The following NHS variants were observed in gnomAD, a reference collection of about 807,000 sequenced individuals.
NHS encodes actin remodeling regulator NHS.
In NHS, 5 loss-of-function variants were observed where a neutral mutation model predicts 72.5. The observed-to-expected ratio is 0.07, with a 90% CI of 0.04 to 0.14. The LOEUF is 0.14. Among genes scored for constraint, NHS ranks in the 10% least tolerant of loss-of-function variants. The probability of loss-of-function intolerance (pLI) is 1.00; values close to 1 mark genes in which losing one functional copy is unlikely to be tolerated. For synonymous variants in NHS, 464 were observed against 547.7 expected (o/e 0.85, Z 2.13); for missense variants, 1,072 against 1,355.7 (o/e 0.79, Z 3.29).
intron 1 of NHS, among the ~76,000 whole-genome samples, chrX:17,389,956 A>G (rs1199184086): frequency 8.9e-6 from 1 of 112,032 alleles, no homozygotes; most frequent in East Asian, 2.8e-4. Context: ...AAAAATGAAA[A>G]AAAAAAAAGA....
chrX:17,561,395 G>A (rs768336696), intron 1 of NHS, among the ~76,000 whole-genome samples: 40 of 110,062 alleles, frequency 3.6e-4, no homozygotes, highest in Non-Finnish European at 5.9e-4. Flanking sequence ...CCATTCCAGC[G>A]TCTGGGAAGG....
chrX:17,434,908 T>G (rs958055790), intron 1 of NHS, among the ~76,000 whole-genome samples: 1 of 111,498 alleles, frequency 9.0e-6, no homozygotes, highest in African/African-American at 3.3e-5. Flanking sequence ...GAGGGCAATG[T>G]GAGGAAAACT....
intron 1 of NHS, among the ~76,000 whole-genome samples, chrX:17,601,090 G>A (rs1427400977): frequency 2.7e-5 from 3 of 111,993 alleles, no homozygotes; most frequent in Non-Finnish European, 5.6e-5. Flanking sequence ...CATTATAGGT[G>A]CTAGCATTGT....
intron 1 of NHS, among the ~76,000 whole-genome samples, chrX:17,650,624 CA>C (rs2065926485): frequency 8.9e-6 from 1 of 111,871 alleles, no homozygotes; most frequent in African/African-American, 3.3e-5. Context: ...ATCCAAAGAC[CA>C]GGTCTAAAGC....
intron 1 of NHS, chrX:17,687,276 A>G: frequency 5.4e-6 from 1 of 186,575 alleles, no homozygotes; most frequent in South Asian, 9.9e-5. Flanking sequence ...GCCGAAGTTC[A>G]GGTGGACAGC....
chrX:17,437,647 G>A (rs994676199), intron 1 of NHS, among the ~76,000 whole-genome samples: 2 of 111,463 alleles, frequency 1.8e-5, no homozygotes, highest in Non-Finnish European at 3.8e-5. Flanking sequence ...GTTGACATTC[G>A]GGTTTTCCTC....
intron 3 of NHS, among the ~76,000 whole-genome samples, chrX:17,718,360 G>A (rs2066377532): frequency 2.2e-5 from 2 of 90,910 alleles, no homozygotes; most frequent in Admixed American, 2.5e-4. Flanking sequence ...TGGTGGGAGG[G>A]AGGAAAGGAA....
At chrX:17,501,503 G>A (rs779657540) in intron 1 of NHS, among the ~76,000 whole-genome samples, 39 of 111,942 alleles carry the variant, frequency 3.5e-4, no homozygotes, top group African/African-American at 1.2e-3. Context: ...GGGAGGCAGA[G>A]GCAGGAGGAT....
chrX:17,631,824 G>A (rs1791982647), intron 1 of NHS, among the ~76,000 whole-genome samples: 1 of 112,089 alleles, frequency 8.9e-6, no homozygotes, highest in Non-Finnish European at 1.9e-5. Context: ...AGAAGTTAAA[G>A]GTTTGTATGC....
intron 3 of NHS, among the ~76,000 whole-genome samples, chrX:17,696,857 A>T (rs1470814380): frequency 8.9e-6 from 1 of 111,738 alleles, no homozygotes; most frequent in Admixed American, 9.5e-5. Flanking sequence ...GAGAATTCCC[A>T]AACATCAAAT....
At chrX:17,729,719 C>T (rs755601332) in intron 8 of NHS, among the ~76,000 whole-genome samples, 1 of 111,898 alleles carries the variant, frequency 8.9e-6, no homozygotes, top group Non-Finnish European at 1.9e-5. Flanking sequence ...CCCTTGGACA[C>T]CTAATCTACA....
chrX:17,700,441 C>CAA (rs1190315925), intron 3 of NHS, among the ~76,000 whole-genome samples: 5 of 65,356 alleles, frequency 7.7e-5, no homozygotes, highest in African/African-American at 5.8e-5. Flanking sequence ...GAGACTGTCT[C>CAA]AAAAAAAAAA....
At chrX:17,685,179 G>A (rs1008056772) in intron 1 of NHS, among the ~76,000 whole-genome samples, 3 of 111,697 alleles carry the variant, frequency 2.7e-5, no homozygotes, top group African/African-American at 6.5e-5. Flanking sequence ...TAGTGGACAC[G>A]TAATACTAGT....
intron 1 of NHS, among the ~76,000 whole-genome samples, chrX:17,554,640 A>G (rs965072484): frequency 1.8e-5 from 2 of 111,833 alleles, no homozygotes; most frequent in African/African-American, 6.5e-5. Flanking sequence ...CAGAACAAGG[A>G]ACTGTGTCGT....
intron 1 of NHS, among the ~76,000 whole-genome samples, chrX:17,555,896 C>A (rs1464170469): frequency 0.01 from 1 of 97 alleles, no homozygotes; most frequent in Non-Finnish European, 0.021. Context: ...CAGGAACAAA[C>A]CGGAGAGAAA....
At chrX:17,531,240 C>A (rs1159497172) in intron 1 of NHS, among the ~76,000 whole-genome samples, 1 of 106,986 alleles carries the variant, frequency 9.3e-6, no homozygotes, top group Admixed American at 1.0e-4. Context: ...CCTTTCCTGG[C>A]CACTCTGAGC....
chrX:17,443,605 A>G (rs2064766018), intron 1 of NHS, among the ~76,000 whole-genome samples: 1 of 111,731 alleles, frequency 9.0e-6, no homozygotes, highest in East Asian at 2.8e-4. Context: ...TGATGGCAGT[A>G]GCAATACCGC....
At position 17,735,270 on chromosome X, in the gene NHS, A is replaced by G. The variant is rs1428839532; in HGVS notation, c.*2806A>G. ...TCCCTAATAATCTGGAATATTCTAC[A>G]TGGCTTGATTACATAGCAAACAAGA... is the stretch of plus-strand genomic sequence containing the variant. On this transcript the variant is annotated 3_prime_UTR_variant, in exon 9 of 9. Coordinates refer to ENST00000676302, the MANE Select transcript of NHS (RefSeq NM_001291867.2). The G allele has an allele frequency of 8.9e-6, 1 of 112,774 alleles. No homozygotes were observed. The highest frequency in any genetic ancestry group is 1.9e-5 in the Non-Finnish European group (1 of 53,299). 9.3% of individuals were successfully genotyped at this position (112,774 alleles called of 1,213,427 possible).
chrX:17,520,246 T>TG (rs1286313448), intron 1 of NHS, among the ~76,000 whole-genome samples: 2 of 111,978 alleles, frequency 1.8e-5, no homozygotes, highest in Non-Finnish European at 3.8e-5. Context: ...ATTCCAATTC[T>TG]GGGGGGGCTT....
Sources: gnomAD v4.1 joint callset for allele counts (sites outside exome capture counted in the v4.1 genomes callset) on GRCh38, gnomAD v4.1.1 for gene constraint, MANE v1.5 for transcripts, NCBI Gene and HGNC (gene_info 2026-07-23, HGNC 2026-07-21) for gene names.